The following PCDH15 variants were observed in gnomAD, a reference collection of about 807,000 sequenced individuals.
PCDH15 encodes protocadherin-15.
In PCDH15, 129 loss-of-function variants were observed where a neutral mutation model predicts 178.5. That is an observed-to-expected ratio of 0.72 (90% CI 0.63 to 0.84). The LOEUF is 0.84. PCDH15 is among the 40% of genes least tolerant of loss of function. The pLI is 0.00. For missense variants in PCDH15, 2,230 were observed against 2,099.9 expected (o/e 1.06, Z -1.21); for synonymous variants, 800 against 732.0 (o/e 1.09, Z -1.50).
intron 1 of PCDH15, among the ~76,000 whole-genome samples, chr10:54,790,662 A>G (rs1163501546): frequency 6.6e-6 from 1 of 151,884 alleles, no homozygotes; most frequent in Non-Finnish European, 1.5e-5. Context: ...ACCCACACAG[A>G]GATACATGAA....
At chr10:53,975,945 T>C (rs2090148682) in intron 21 of PCDH15, among the ~76,000 whole-genome samples, 1 of 152,154 alleles carries the variant, frequency 6.6e-6, no homozygotes, top group Admixed American at 6.6e-5. Flanking sequence ...AAAATTTTTG[T>C]ATGTGGTTGA....
intron 26 of PCDH15, among the ~76,000 whole-genome samples, chr10:53,875,609 C>G (rs1315622617): frequency 6.8e-6 from 1 of 147,568 alleles, no homozygotes; most frequent in East Asian, 2.0e-4. Flanking sequence ...CCTTAGTGAA[C>G]AAAATAAAAA....
chr10:53,989,530 G>A (rs11003968), intron 21 of PCDH15, among the ~76,000 whole-genome samples: 6,950 of 152,114 alleles, frequency 0.046, 244 homozygotes, highest in East Asian at 0.11. Context: ...AGCCCCAACT[G>A]TTTCATGGTG....
At chr10:54,874,294 G>A (rs1375804675) in intron 3 of PCDH15, among the ~76,000 whole-genome samples, 5 of 143,386 alleles carry the variant, frequency 3.5e-5, no homozygotes, top group Admixed American at 1.4e-4. Flanking sequence ...CCTACAAAGG[G>A]CATGAACTCA....
intron 8 of PCDH15, among the ~76,000 whole-genome samples, chr10:54,285,263 AAAAC>A (rs1237509953): frequency 6.6e-6 from 1 of 152,020 alleles, no homozygotes; most frequent in Admixed American, 6.6e-5. Flanking sequence ...ACAGAAAAAA[AAAAC>A]AATCAGCAGA....
intron 19 of PCDH15, among the ~76,000 whole-genome samples, chr10:54,021,911 T>C (rs2092932312): frequency 6.6e-6 from 1 of 151,962 alleles, no homozygotes; most frequent in South Asian, 2.1e-4. Context: ...TGAAGACATG[T>C]TTGTTAAATA....
At chr10:54,973,569 A>G (rs1029118776) in intron 2 of PCDH15, among the ~76,000 whole-genome samples, 1 of 152,184 alleles carries the variant, frequency 6.6e-6, no homozygotes, top group African/African-American at 2.4e-5. Context: ...TAGTTTCAGA[A>G]TTGGCTCAAT....
intron 2 of PCDH15, among the ~76,000 whole-genome samples, chr10:54,983,442 T>G (rs1839289679): frequency 6.6e-6 from 1 of 152,112 alleles, no homozygotes; most frequent in Non-Finnish European, 1.5e-5. Context: ...TCATGCATGG[T>G]GAGTGACTCA....
chr10:54,106,011 A>T (rs923463977), intron 15 of PCDH15, among the ~76,000 whole-genome samples: 1 of 152,148 alleles, frequency 6.6e-6, no homozygotes, highest in Non-Finnish European at 1.5e-5. Flanking sequence ...CGTTAAACTA[A>T]GCAAAAGTAA....
chr10:54,021,511 ACCTTTAGC>A (rs1218335003), intron 19 of PCDH15, among the ~76,000 whole-genome samples: 1 of 151,822 alleles, frequency 6.6e-6, no homozygotes, highest in Non-Finnish European at 1.5e-5. Context: ...CATTTTCTAG[ACCTTTAGC>A]CCCTCACCCC....
intron 34 of PCDH15, among the ~76,000 whole-genome samples, chr10:53,817,520 T>A (rs574334365): frequency 3.4e-5 from 5 of 147,882 alleles, no homozygotes; most frequent in Non-Finnish European, 5.9e-5. Context: ...CTTTTTCTTT[T>A]TTTTTTCTTT....
At chr10:55,625,984 A>G (rs1288239162) in intron 2 of PCDH15, among the ~76,000 whole-genome samples, 2 of 152,122 alleles carry the variant, frequency 1.3e-5, no homozygotes, top group Non-Finnish European at 2.9e-5. Context: ...TACCCAGGAA[A>G]TGTATAAACT....
intron 2 of PCDH15, among the ~76,000 whole-genome samples, chr10:54,611,394 T>C (rs1021701755): frequency 6.6e-6 from 1 of 151,912 alleles, no homozygotes; most frequent in Non-Finnish European, 1.5e-5. Context: ...CTGATTACTT[T>C]AGAATTCTGT....
At chr10:55,137,117 A>G (rs1026844660) in intron 2 of PCDH15, among the ~76,000 whole-genome samples, 11 of 152,184 alleles carry the variant, frequency 7.2e-5, no homozygotes, top group African/African-American at 1.9e-4. Flanking sequence ...TCAAATATCT[A>G]AAAACATTTT....
At chr10:55,348,255 G>T (rs1844815319) in intron 2 of PCDH15, among the ~76,000 whole-genome samples, 1 of 152,050 alleles carries the variant, frequency 6.6e-6, no homozygotes, top group African/African-American at 2.4e-5. Context: ...AGGTTGAATA[G>T]ACTCTTTTGT....
chr10:54,165,115 T>C (rs1374706470), intron 13 of PCDH15, among the ~76,000 whole-genome samples: 1 of 152,172 alleles, frequency 6.6e-6, no homozygotes, highest in Admixed American at 6.5e-5. Context: ...GCCAAGCAAA[T>C]TGGGGATTGC....
intron 1 of PCDH15, among the ~76,000 whole-genome samples, chr10:55,227,516 G>A (rs1841085087): frequency 6.7e-6 from 1 of 148,652 alleles, no homozygotes; most frequent in African/African-American, 2.5e-5. Context: ...AGGGTAGTCA[G>A]CAGTAATAGA....
At chr10:55,321,940 C>T (rs1843912729), upstream of PCDH15, among the ~76,000 whole-genome samples, 1 of 152,114 alleles carries the variant, frequency 6.6e-6, no homozygotes, top group Non-Finnish European at 1.5e-5. Flanking sequence ...TTAAAGCAAC[C>T]ACACAAACAA....
At chr10:55,614,038 G>C (rs929601692) in intron 2 of PCDH15, among the ~76,000 whole-genome samples, 1 of 151,660 alleles carries the variant, frequency 6.6e-6, no homozygotes, top group African/African-American at 2.4e-5. Flanking sequence ...GGCTTGAACC[G>C]GGGAGACGGA....
Sources: gnomAD v4.1 joint callset for allele counts (sites outside exome capture counted in the v4.1 genomes callset) on GRCh38, gnomAD v4.1.1 for gene constraint, MANE v1.5 for transcripts, NCBI Gene and HGNC (gene_info 2026-07-23, HGNC 2026-07-21) for gene names.